PDK3: variants seen among roughly 807,000 people sequenced by gnomAD.
PDK3 encodes pyruvate dehydrogenase kinase 3.
A neutral mutation model predicts 32.0 loss-of-function variants in PDK3; 12 were observed. The observed-to-expected ratio is 0.37, with a 90% CI of 0.24 to 0.61. The LOEUF is 0.61. Among genes scored for constraint, PDK3 ranks in the 20% least tolerant of loss-of-function variants. The pLI is 0.65. For missense variants in PDK3, 188 were observed against 316.9 expected, an observed-to-expected ratio of 0.59 and a Z score of 3.09; for synonymous variants, 122 against 116.3, an observed-to-expected ratio of 1.05 and a Z score of -0.31.
intron 1 of PDK3, among the ~76,000 whole-genome samples, chrX:24,475,267 G>A (rs1921086248): frequency 9.1e-6 from 1 of 110,191 alleles, no homozygotes; most frequent in Admixed American, 9.8e-5. Flanking sequence ...TGGAGAAAGG[G>A]ATCAACTATT....
downstream of PDK3, among the ~76,000 whole-genome samples, chrX:24,536,007 G>A (rs376090002): frequency 6.5e-4 from 62 of 95,775 alleles, no homozygotes; most frequent in South Asian, 0.038. Context: ...AAGGGAGGGG[G>A]AAGGGGAAGG....
intron 6 of PDK3, 36 bp from the exon 7 acceptor site, chrX:24,526,162 G>T (rs754898557): frequency 1.9e-6 from 2 of 1,036,784 alleles, no homozygotes; most frequent in Middle Eastern, 2.5e-4. Flanking sequence ...CCTACTTTGG[G>T]TCCTTATTGA....
intron 1 of PDK3, among the ~76,000 whole-genome samples, chrX:24,488,842 G>A (rs1437451430): frequency 8.9e-6 from 1 of 112,230 alleles, no homozygotes; most frequent in Non-Finnish European, 1.9e-5. Context: ...CCCCTCACCT[G>A]CTCCCTTTGT....
At chrX:24,531,614 C>T (rs1271364954) in intron 9 of PDK3, 43 bp from the exon 10 acceptor site, 1 of 687,262 alleles carries the variant, frequency 1.5e-6, no homozygotes, top group East Asian at 3.2e-5. Context: ...AATGTGTTAG[C>T]ATTTGTGCCT....
intron 5 of PDK3, among the ~76,000 whole-genome samples, chrX:24,509,314 C>T (rs1274059179): frequency 2.7e-5 from 3 of 111,017 alleles, no homozygotes; most frequent in African/African-American, 6.6e-5. Context: ...CTTTCTCCTG[C>T]GCTTATTAAC....
chrX:24,488,600 A>G (rs776037168), intron 1 of PDK3, among the ~76,000 whole-genome samples: 5 of 111,522 alleles, frequency 4.5e-5, no homozygotes, highest in Non-Finnish European at 9.4e-5. Flanking sequence ...GAGGCAGGAG[A>G]ATCGCTTGAA....
intron 1 of PDK3, among the ~76,000 whole-genome samples, chrX:24,494,438 T>C (rs1395908791): frequency 8.9e-6 from 1 of 112,423 alleles, no homozygotes; most frequent in Non-Finnish European, 1.9e-5. Context: ...TGGTGTTTAT[T>C]TGAAAACAAG....
In PDK3 at chrX:24,527,661, G is replaced by T; in HGVS notation, c.838G>T (p.Asp280Tyr). ...AACCCTCGTTACTTTGGGTAAAGAA[G>T]ACTTATCCATTAAGGTAACTGTTTT... ...VKTLVTLGKE[D>Y]LSIKISDLGG... Residue 280 changes from aspartate (D) to tyrosine (Y), a missense_variant, in exon 8 of 11, where the codon GAC becomes TAC. Coordinates refer to ENST00000379162, the MANE Select transcript of PDK3 (RefSeq NM_005391.5). 8.8e-7 allele frequency: 1 copy of T among 1,135,995 alleles called. No homozygotes were observed. Among genetic ancestry groups the T allele is most frequent in the South Asian group, 1.9e-5 (1 of 53,011 alleles). The allele number at this position is 1,135,995 out of a possible 1,213,427, so 93.6% of individuals were successfully genotyped here.
Position 24,465,294 on chromosome X carries a change from G to A in PDK3, c.-162G>A, listed in dbSNP as rs1940049757. 5.9e-6 allele frequency: 2 copies of A among 337,886 alleles called. No individual in the cohort carries two copies. Among genetic ancestry groups the A allele is most frequent in the African/African-American group, 5.5e-5 (2 of 36,069 alleles). The allele number at this position is 337,886 out of a possible 1,213,427, so 27.8% of individuals were successfully genotyped here. A position where few individuals can be genotyped will look rare whatever the true frequency, so the allele number is the denominator to read the frequency against. On this transcript the variant is annotated 5_prime_UTR_variant, in exon 1 of 11. Coordinates refer to ENST00000379162, the MANE Select transcript of PDK3 (RefSeq NM_005391.5). Reference sequence around the variant, plus strand: ...GCCGCGGGCGGCCCGCCGCTGTCCTGGAGCTGCTGCTGCTGCTGCGGCGGC... The same window carrying A: ...GCCGCGGGCGGCCCGCCGCTGTCCTAGAGCTGCTGCTGCTGCTGCGGCGGC...
exon 12 of PDK3, among the ~76,000 whole-genome samples, chrX:24,543,540 C>G (rs1922934898): frequency 9.0e-6 from 1 of 111,299 alleles, no homozygotes; most frequent in South Asian, 3.8e-4. Context: ...ACCTCCGCCT[C>G]CCGGGTTCAA....
intron 5 of PDK3, among the ~76,000 whole-genome samples, chrX:24,508,941 T>C (rs1922052833): frequency 9.0e-6 from 1 of 111,649 alleles, no homozygotes; most frequent in African/African-American, 3.3e-5. Context: ...GGTCTTGAAC[T>C]CCTGACCTCA....
rs763103242 is a variant in PDK3 at position 24,502,022 on chromosome X, C to T, written c.321-1305C>T. ...TTTCTGATGGGGTGCTAGTTTTTTCCTTTTTTTAAGTTTTTTGTTTTTTTT... is the reference window on the plus strand; with the variant it reads ...TTTCTGATGGGGTGCTAGTTTTTTCTTTTTTTTAAGTTTTTTGTTTTTTTT... On this transcript the variant is annotated intron_variant, in intron 3 of 10. Coordinates refer to ENST00000379162, the MANE Select transcript of PDK3 (RefSeq NM_005391.5). 1.3e-3 allele frequency among the ~76,000 whole-genome samples: 139 copies of T among 111,154 alleles called. 2 individuals are homozygous for T. Among genetic ancestry groups the T allele is most frequent in the African/African-American group, 3.4e-3 (104 of 30,608 alleles).
At chrX:24,536,000 G>A (rs1436104646), downstream of PDK3, among the ~76,000 whole-genome samples, 3 of 104,526 alleles carry the variant, frequency 2.9e-5, no homozygotes, top group Admixed American at 2.1e-4. Context: ...GGAAGGAAAG[G>A]GAGGGGGAAG....
chrX:24,479,395 A>G (rs1921192794), intron 1 of PDK3, among the ~76,000 whole-genome samples: 1 of 111,887 alleles, frequency 8.9e-6, no homozygotes, highest in Non-Finnish European at 1.9e-5. Flanking sequence ...AGCTCCTTAC[A>G]TATTCTCTAC....
downstream of PDK3, among the ~76,000 whole-genome samples, chrX:24,534,941 G>A (rs907974269): frequency 4.5e-5 from 5 of 112,182 alleles, no homozygotes; most frequent in African/African-American, 1.6e-4. Context: ...CTGGGGGACA[G>A]AATAAGACCG....
intron 9 of PDK3, among the ~76,000 whole-genome samples, chrX:24,531,374 T>TA (rs1308012160): frequency 3.6e-5 from 4 of 112,208 alleles, no homozygotes; most frequent in African/African-American, 9.7e-5. Flanking sequence ...AATGTGCTTT[T>TA]AAAAAAATGA....
At chrX:24,482,034 C>T (rs1921273438) in intron 1 of PDK3, among the ~76,000 whole-genome samples, 1 of 111,973 alleles carries the variant, frequency 8.9e-6, no homozygotes, top group Non-Finnish European at 1.9e-5. Flanking sequence ...AGGGAACTTA[C>T]ATTTGTGTGC....
chrX:24,519,972 C>T (rs1418645531), intron 6 of PDK3, among the ~76,000 whole-genome samples: 1 of 112,069 alleles, frequency 8.9e-6, no homozygotes, highest in Non-Finnish European at 1.9e-5. Context: ...GTGGGTGGAT[C>T]TCTTGAGTCC....
chrX:24,538,607 C>T (rs137912763), downstream of PDK3, among the ~76,000 whole-genome samples: 6,709 of 110,552 alleles, frequency 0.061, 197 homozygotes, highest in African/African-American at 0.098. Flanking sequence ...GGCAAAACCC[C>T]GTCTCTATTA....
Sources: allele counts gnomAD v4.1 joint callset (sites outside exome capture counted in the v4.1 genomes callset), GRCh38; gene constraint gnomAD v4.1.1; transcripts MANE v1.5; gene names NCBI Gene and HGNC (gene_info 2026-07-23, HGNC 2026-07-21).